Variants in ANAPC1 observed in about 807,000 individuals in gnomAD.
ANAPC1 encodes anaphase promoting complex subunit 1.
Under a neutral mutation model 208.0 loss-of-function variants are expected in ANAPC1, and 36 were observed. The observed-to-expected ratio is 0.17, with a 90% CI of 0.13 to 0.23. The LOEUF (loss-of-function observed/expected upper bound fraction) is 0.23. ANAPC1 is among the 10% of genes least tolerant of loss of function. The pLI, the probability that ANAPC1 is intolerant of heterozygous loss-of-function variation, is 1.00. For synonymous variants in ANAPC1, 378 were observed against 695.2 expected (o/e 0.54, Z 7.18); for missense variants, 942 against 2,011.6 (o/e 0.47, Z 10.17).
chr2:111,788,877 G>A (rs1351259405), intron 38 of ANAPC1, among the ~76,000 whole-genome samples: 1 of 152,008 alleles, frequency 6.6e-6, no homozygotes, highest in Non-Finnish European at 1.5e-5. Context: ...GGTGGCTCAC[G>A]CCTGTAATCC....
chr2:111,851,232 A>G (rs934989475), intron 13 of ANAPC1, among the ~76,000 whole-genome samples: 125 of 152,098 alleles, frequency 8.2e-4, no homozygotes, highest in Middle Eastern at 3.4e-3. Flanking sequence ...CCTCCTGAGT[A>G]GCTGGAACTA....
At chr2:111,881,524 T>C (rs1450711361) in intron 1 of ANAPC1, among the ~76,000 whole-genome samples, 1 of 152,166 alleles carries the variant, frequency 6.6e-6, no homozygotes, top group Non-Finnish European at 1.5e-5. Context: ...TACTAGGTTT[T>C]AATTAATTAT....
chr2:111,856,332 TAACTTTA>T (rs1681719475), intron 13 of ANAPC1: 9 of 258,284 alleles, frequency 3.5e-5, no homozygotes, highest in Admixed American at 3.2e-4. Context: ...TTCAAAACTT[TAACTTTA>T]AAAAAAAAAA....
At chr2:111,821,149 T>C in intron 26 of ANAPC1, 90 bp downstream of exon 26, 1 of 1,452,414 alleles carries the variant, frequency 6.9e-7, no homozygotes, top group Non-Finnish European at 9.6e-7. Flanking sequence ...GGGTTTTAAA[T>C]GCTAAAAACT....
At position 111,847,160 on chromosome 2, in the gene ANAPC1, A is replaced by G; in HGVS notation, c.1830T>C (p.Pro610=). Residue 610 remains proline (P), a synonymous_variant, in exon 16 of 48, where the codon CCT becomes CCC. Coordinates refer to ENST00000341068, the MANE Select transcript of ANAPC1 (RefSeq NM_022662.4). ...SNGSMVRITI[P]EIATSELVQT... is the part of the protein sequence containing the mutation. ...TACCTAACTCAGAGGTGGCAATTTC[A>G]GGAATAGTGATCCTAACCATGGAGC... 1 of 1,610,786 alleles carries G rather than the reference A, an allele frequency of 6.2e-7. No homozygotes were observed.
chr2:111,828,474 A>C (rs1425102424), intron 21 of ANAPC1, among the ~76,000 whole-genome samples: 1 of 152,220 alleles, frequency 6.6e-6, no homozygotes, highest in East Asian at 1.9e-4. Flanking sequence ...CAGAGACTTG[A>C]ACAGATATTT....
chr2:111,804,481 T>C (rs1332858033), intron 30 of ANAPC1, among the ~76,000 whole-genome samples: 1 of 120,008 alleles, frequency 8.3e-6, no homozygotes, highest in African/African-American at 3.0e-5. Flanking sequence ...AGAATTCAAG[T>C]TGCAATTCCC....
chr2:111,831,890 G>C (rs1319813574), intron 20 of ANAPC1, among the ~76,000 whole-genome samples: 24 of 145,552 alleles, frequency 1.6e-4, no homozygotes, highest in African/African-American at 5.8e-4. Flanking sequence ...CATGTTTTCT[G>C]CCACAGTACA....
chr2:111,823,558 G>A (rs1375061320), intron 24 of ANAPC1, among the ~76,000 whole-genome samples: 2 of 152,042 alleles, frequency 1.3e-5, no homozygotes, highest in Non-Finnish European at 2.9e-5. Context: ...AATAGAATGG[G>A]TAATTAAATT....
chr2:111,822,621 G>GA (rs1387299325), intron 24 of ANAPC1, 21 bp from the exon 25 acceptor site: 1 of 1,444,466 alleles, frequency 6.9e-7, no homozygotes, highest in Non-Finnish European at 9.5e-7. Context: ...AAGGAAGAGA[G>GA]AAAAATTTTA....
intron 28 of ANAPC1, among the ~76,000 whole-genome samples, chr2:111,810,346 T>A (rs1227602573): frequency 6.6e-6 from 1 of 151,720 alleles, no homozygotes; most frequent in Admixed American, 6.6e-5. Flanking sequence ...CACTAGTGGG[T>A]ACAAGGTTCC....
At chr2:111,778,170 C>T (rs972969005) in intron 45 of ANAPC1, among the ~76,000 whole-genome samples, 13 of 151,916 alleles carry the variant, frequency 8.6e-5, no homozygotes, top group Non-Finnish European at 1.8e-4. Flanking sequence ...TTCTGCATTA[C>T]CCCTTTAGGC....
chr2:111,879,017 G>C, intron 2 of ANAPC1, 46 bp from the exon 3 acceptor site: 1 of 1,566,986 alleles, frequency 6.4e-7, no homozygotes, highest in Middle Eastern at 2.4e-4. Flanking sequence ...CTCTTTTTTT[G>C]TTCTTCAAAA....
intron 13 of ANAPC1, among the ~76,000 whole-genome samples, chr2:111,852,789 G>A (rs1681477204): frequency 6.6e-6 from 1 of 151,842 alleles, no homozygotes; most frequent in South Asian, 2.1e-4. Flanking sequence ...ACTGCATGTG[G>A]CCCATAGAGG....
chr2:111,770,640 C>T (rs1419143156), intron 47 of ANAPC1, among the ~76,000 whole-genome samples: 3 of 145,208 alleles, frequency 2.1e-5, no homozygotes, highest in Non-Finnish European at 4.5e-5. Flanking sequence ...TCCCTCTGTG[C>T]TTCAGTTTGT....
rs553121206 is a variant in ANAPC1, at chr2:111,824,948, T to A, written c.2812+18A>T. 3 of 1,613,710 alleles carry A rather than the reference T, an allele frequency of 1.9e-6. No individual in the cohort carries two copies. The highest frequency in any genetic ancestry group is 2.5e-6 in the Non-Finnish European group (3 of 1,179,740). On this transcript the variant is annotated intron_variant, in intron 24 of 47. Transcript: ENST00000341068. ...GAGGAAGCACGGCCTAGTTAGGAGG[T>A]AACAAAGAAGCTCTCACCTACATTA...
At chr2:111,823,025 T>A (rs1679622983) in intron 24 of ANAPC1, among the ~76,000 whole-genome samples, 5 of 79,606 alleles carry the variant, frequency 6.3e-5, no homozygotes. Flanking sequence ...TTTTTTTTTT[T>A]TTGAGATGGA....
At chr2:111,820,020 A>G (rs1179466231) in intron 26 of ANAPC1, among the ~76,000 whole-genome samples, 2 of 152,208 alleles carry the variant, frequency 1.3e-5, no homozygotes, top group East Asian at 3.8e-4. Flanking sequence ...AATTATAATG[A>G]GAACAATATT....
intron 16 of ANAPC1, among the ~76,000 whole-genome samples, chr2:111,844,849 C>A (rs1244513201): frequency 6.6e-6 from 1 of 152,008 alleles, no homozygotes; most frequent in Non-Finnish European, 1.5e-5. Context: ...TTACACCATT[C>A]TTTTTTTGGT....
Sources: allele counts gnomAD v4.1 joint callset (sites outside exome capture counted in the v4.1 genomes callset), GRCh38; gene constraint gnomAD v4.1.1; transcripts MANE v1.5; gene names NCBI Gene and HGNC (gene_info 2026-07-23, HGNC 2026-07-21).